STX8: variants seen among roughly 807,000 people sequenced by gnomAD.
STX8 encodes the protein syntaxin 8, also known as syntaxin-8.
In STX8, 23 loss-of-function variants were observed where a neutral mutation model predicts 37.5. The observed-to-expected ratio is 0.61, with a 90% CI of 0.44 to 0.87. The LOEUF (loss-of-function observed/expected upper bound fraction) is 0.87. Ranked by LOEUF, STX8 falls within the 40% of genes least tolerant of loss-of-function variation. The probability of loss-of-function intolerance (pLI) is 0.00; values close to 1 mark genes in which losing one functional copy is unlikely to be tolerated. For missense variants in STX8, 313 were observed against 284.7 expected, an observed-to-expected ratio of 1.10 and a Z score of -0.71; for synonymous variants, 115 against 99.1, an observed-to-expected ratio of 1.16 and a Z score of -0.95.
At chr17:9,553,713 G>A (rs748186214) in intron 3 of STX8, 55 of 152,124 alleles carry the variant, frequency 3.6e-4, no homozygotes, top group Admixed American at 3.5e-3. Flanking sequence ...TGGTTAAGAC[G>A]GTTCTTGAAG....
intron 7 of STX8, among the ~76,000 whole-genome samples, chr17:9,269,816 T>C (rs1907385874): frequency 6.6e-6 from 1 of 152,196 alleles, no homozygotes; most frequent in Admixed American, 6.5e-5. Flanking sequence ...TTCACACTGC[T>C]TTGGGGCCCT....
chr17:9,263,465 A>G (rs571186485), intron 7 of STX8, among the ~76,000 whole-genome samples: 2 of 152,308 alleles, frequency 1.3e-5, no homozygotes, highest in East Asian at 1.9e-4. Flanking sequence ...GGTAACAAGA[A>G]TGAAACTCCG....
intron 6 of STX8, among the ~76,000 whole-genome samples, chr17:9,396,711 T>A (rs1304456402): frequency 2.3e-5 from 3 of 132,088 alleles, no homozygotes; most frequent in African/African-American, 8.8e-5. Flanking sequence ...TGAAACACCA[T>A]CTGAAAAAAA....
At chr17:9,526,478 G>A (rs1395117449) in intron 4 of STX8, among the ~76,000 whole-genome samples, 2 of 152,094 alleles carry the variant, frequency 1.3e-5, no homozygotes, top group Non-Finnish European at 2.9e-5. Context: ...AAATTGCTCG[G>A]TAAACAGAGA....
At chr17:9,448,441 A>T (rs1904928950) in intron 6 of STX8, among the ~76,000 whole-genome samples, 1 of 152,082 alleles carries the variant, frequency 6.6e-6, no homozygotes, top group African/African-American at 2.4e-5. Flanking sequence ...AGTCTTTCAC[A>T]TTTCTGTTGT....
chr17:9,503,347 G>A (rs1362679999), intron 5 of STX8, among the ~76,000 whole-genome samples: 2 of 152,132 alleles, frequency 1.3e-5, no homozygotes, highest in African/African-American at 4.8e-5. Flanking sequence ...AAAGAGGCAT[G>A]AAGAAAACTT....
chr17:9,409,453 C>T (rs982239868), intron 6 of STX8, among the ~76,000 whole-genome samples: 2 of 152,132 alleles, frequency 1.3e-5, no homozygotes, highest in African/African-American at 2.4e-5. Flanking sequence ...GCATGAATCA[C>T]GGATTTCCCT....
intron 2 of STX8, among the ~76,000 whole-genome samples, chr17:9,567,264 T>C (rs1263060750): frequency 1.3e-5 from 2 of 152,168 alleles, no homozygotes; most frequent in African/African-American, 4.8e-5. Flanking sequence ...AGCTTACCTA[T>C]ACAACAAACC....
At chr17:9,468,203 G>A (rs1389550104) in intron 6 of STX8, among the ~76,000 whole-genome samples, 13 of 152,090 alleles carry the variant, frequency 8.5e-5, no homozygotes, top group East Asian at 5.8e-4. Context: ...TCTGCCTCAC[G>A]GGTTCAAGCA....
intron 7 of STX8, among the ~76,000 whole-genome samples, chr17:9,276,262 T>C (rs993840570): frequency 1.3e-5 from 2 of 152,162 alleles, no homozygotes; most frequent in South Asian, 4.1e-4. Flanking sequence ...TAAGGAGTGA[T>C]GCAGGCTTAC....
At chr17:9,545,051 A>G (rs1282137881) in intron 4 of STX8, 121 bp downstream of exon 4, 2 of 645,300 alleles carry the variant, frequency 3.1e-6, no homozygotes, top group African/African-American at 1.8e-5. Flanking sequence ...ATAGTCAAAC[A>G]CCATAAATGA....
intron 7 of STX8, among the ~76,000 whole-genome samples, chr17:9,339,457 G>A (rs938498031): frequency 4.6e-5 from 7 of 151,942 alleles, no homozygotes; most frequent in South Asian, 2.1e-4. Context: ...GATCGAGAAC[G>A]TCCTGGCTAA....
At chr17:9,383,624 T>C (rs540985092) in intron 6 of STX8, among the ~76,000 whole-genome samples, 19 of 152,250 alleles carry the variant, frequency 1.2e-4, no homozygotes, top group African/African-American at 3.6e-4. Context: ...AAGTCCCAGA[T>C]TGTTCAATAA....
chr17:9,442,183 G>T (rs1904688222), intron 6 of STX8, among the ~76,000 whole-genome samples: 1 of 152,132 alleles, frequency 6.6e-6, no homozygotes. Flanking sequence ...TGTCATCTAT[G>T]CAGCTGCCTG....
chr17:9,461,949 C>T (rs958740558), intron 6 of STX8, among the ~76,000 whole-genome samples: 7 of 152,008 alleles, frequency 4.6e-5, no homozygotes, highest in Admixed American at 3.9e-4. Flanking sequence ...ATAGGGTTCA[C>T]GCTCCTATGA....
chr17:9,555,954 T>G (rs1256288955), intron 3 of STX8, among the ~76,000 whole-genome samples: 1 of 152,074 alleles, frequency 6.6e-6, no homozygotes, highest in Non-Finnish European at 1.5e-5. Flanking sequence ...TAGGACTTGT[T>G]GATTTGGGTA....
intron 7 of STX8, among the ~76,000 whole-genome samples, chr17:9,282,914 TTTC>T (rs904802924): frequency 3.6e-4 from 54 of 151,822 alleles, no homozygotes; most frequent in Middle Eastern, 3.4e-3. Context: ...CTTTTTTTTT[TTTC>T]TTTCTTTACC....
chr17:9,323,313 A>C (rs547198090), intron 7 of STX8, among the ~76,000 whole-genome samples: 1 of 152,196 alleles, frequency 6.6e-6, no homozygotes, highest in African/African-American at 2.4e-5. Context: ...AGGGGGAAAA[A>C]ATCAATTAAA....
intron 7 of STX8, among the ~76,000 whole-genome samples, chr17:9,298,877 C>T (rs1346629913): frequency 6.6e-6 from 1 of 152,198 alleles, no homozygotes; most frequent in African/African-American, 2.4e-5. Context: ...TCCTTGCAAG[C>T]ATTCCTTTGC....
Sources: gnomAD v4.1 joint callset for allele counts (sites outside exome capture counted in the v4.1 genomes callset) on GRCh38, gnomAD v4.1.1 for gene constraint, MANE v1.5 for transcripts, NCBI Gene and HGNC (gene_info 2026-07-23, HGNC 2026-07-21) for gene names.